The following CACNA1B variants were observed in gnomAD, a reference collection of about 807,000 sequenced individuals.
The protein encoded by CACNA1B is voltage-dependent N-type calcium channel subunit alpha-1B.
CACNA1B carries 70 observed loss-of-function variants against 247.2 expected under a neutral mutation model. That is an observed-to-expected ratio of 0.28 (90% CI 0.23 to 0.35). The LOEUF is 0.35. Ranked by LOEUF, CACNA1B falls within the 10% of genes least tolerant of loss-of-function variation. CACNA1B has a pLI of 1.00. For synonymous variants in CACNA1B, 1,231 were observed against 1,294.4 expected, an observed-to-expected ratio of 0.95 and a Z score of 1.05; for missense variants, 2,367 against 3,197.4, an observed-to-expected ratio of 0.74 and a Z score of 6.26.
At chr9:137,930,161 G>A (rs77702270) in intron 6 of CACNA1B, among the ~76,000 whole-genome samples, 4,097 of 152,218 alleles carry the variant, frequency 0.027, 77 homozygotes, top group South Asian at 0.071. Flanking sequence ...AATGTCAGCT[G>A]GGCGCAGTGG....
chr9:137,890,309 C>G (rs1228182686), intron 3 of CACNA1B: 2 of 149,028 alleles, frequency 1.3e-5, no homozygotes, highest in Non-Finnish European at 3.0e-5. Flanking sequence ...CCAGGGCTGC[C>G]CTTGGATACC....
At chr9:138,037,592 G>T (rs992528938) in intron 20 of CACNA1B, among the ~76,000 whole-genome samples, 2 of 152,132 alleles carry the variant, frequency 1.3e-5, no homozygotes, top group East Asian at 3.8e-4. Context: ...ACGAGAGGCG[G>T]AGGTTGCAGT....
chr9:137,879,150 C>G lies in CACNA1B; in HGVS notation c.381C>G (p.Ser127=), dbSNP rs1564868238. Reference sequence around the variant, plus strand: ...CTGATGGGGACAAAACGCCCATGTCCGAGCGGCTGGTGAGTGCCCGGCTGG... The same window carrying G: ...CTGATGGGGACAAAACGCCCATGTCGGAGCGGCTGGTGAGTGCCCGGCTGG... ...HLPDGDKTPM[S]ERLDDTEPYF... The change falls in exon 2 of 47, where the codon TCC becomes TCG. Residue 127 remains serine, a synonymous_variant. Transcript: ENST00000371372. 1 of 1,608,142 alleles carries G rather than the reference C, an allele frequency of 6.2e-7. No homozygotes were observed. The highest frequency in any genetic ancestry group is 8.5e-7 in the Non-Finnish European group (1 of 1,177,676).
intron 15 of CACNA1B, among the ~76,000 whole-genome samples, chr9:137,991,248 C>T (rs1274184563): frequency 1.3e-5 from 2 of 152,170 alleles, no homozygotes; most frequent in African/African-American, 4.8e-5. Flanking sequence ...ATCACAGTTT[C>T]TGGAAATCAG....
At chr9:137,958,569 C>T (rs1957975679) in intron 10 of CACNA1B, among the ~76,000 whole-genome samples, 1 of 152,222 alleles carries the variant, frequency 6.6e-6, no homozygotes, top group Non-Finnish European at 1.5e-5. Flanking sequence ...TGCTGATCGT[C>T]TGCTGATGGC....
In CACNA1B at chr9:138,059,754, TCC is replaced by T; in HGVS notation, c.4668+19_4668+20del. 1 of 1,488,432 alleles carries T rather than the reference TCC, an allele frequency of 6.7e-7. No individual in the cohort carries two copies. The highest frequency in any genetic ancestry group is 2.3e-5 in the East Asian group (1 of 44,288). The allele number at this position is 1,488,432 out of a possible 1,614,324, so 92.2% of individuals were successfully genotyped here. A position where few individuals can be genotyped will look rare whatever the true frequency, so the allele number is the denominator to read the frequency against. ...GAGATTGCGGTAAGTAGCATTTCTG[TCC>T]CTCCTTCAGGGTCCCCAGGTGGTTT... is the stretch of plus-strand genomic sequence containing the variant. On this transcript the variant is annotated intron_variant, in intron 31 of 46. Coordinates refer to ENST00000371372, the MANE Select transcript of CACNA1B (RefSeq NM_000718.4). This position sits in a 1 kb window ranked among gnomAD's most constrained non-coding sequence, Gnocchi z 4.2.
chr9:137,988,343 C>T (rs955238510), intron 15 of CACNA1B, among the ~76,000 whole-genome samples: 4 of 152,062 alleles, frequency 2.6e-5, no homozygotes, highest in South Asian at 2.1e-4. Context: ...CAGGTGTGGG[C>T]GGGCCAGGCT....
chr9:137,880,261 G>C lies in CACNA1B; in HGVS notation c.390+1102G>C, dbSNP rs1051847626. On this transcript the variant is annotated intron_variant, in intron 2 of 46. Transcript: ENST00000371372. The surrounding 1 kb of genome is among the most constrained non-coding windows in gnomAD (Gnocchi z 4.8). Reference sequence around the variant, plus strand: ...GGTGAGGAGGTCTTAATGGAGCACAGTCTGGAATGCCCAGTGGTCTGGGTT... The same window carrying C: ...GGTGAGGAGGTCTTAATGGAGCACACTCTGGAATGCCCAGTGGTCTGGGTT... Among the ~76,000 whole-genome samples the C allele has an allele frequency of 6.6e-6, 1 of 152,166 alleles. No individual in the cohort carries two copies. The highest frequency in any genetic ancestry group is 2.4e-5 in the African/African-American group (1 of 41,434).
chr9:137,888,652 C>T lies in CACNA1B; in HGVS notation c.530+5769C>T, dbSNP rs146516745. On this transcript the variant is annotated intron_variant, in intron 3 of 46. Coordinates refer to ENST00000371372, the MANE Select transcript of CACNA1B (RefSeq NM_000718.4). The surrounding 1 kb of genome is among the most constrained non-coding windows in gnomAD (Gnocchi z 4.7). ...TAGAGCCCAGCTTTCTCCCTGGACCCGGCCTCCTGTGGGTTGAAGAGAGGG... is the reference window on the plus strand; with the variant it reads ...TAGAGCCCAGCTTTCTCCCTGGACCTGGCCTCCTGTGGGTTGAAGAGAGGG... Among the ~76,000 whole-genome samples, 2 of 152,084 alleles carry T rather than the reference C, an allele frequency of 1.3e-5. No individual in the cohort carries two copies. Among genetic ancestry groups the T allele is most frequent in the African/African-American group, 2.4e-5 (1 of 41,366 alleles).
chr9:138,000,188 T>C (rs1293655668), intron 15 of CACNA1B, among the ~76,000 whole-genome samples: 2 of 150,674 alleles, frequency 1.3e-5, no homozygotes, highest in Admixed American at 6.6e-5. Context: ...AAGCTCCGCC[T>C]CCCGGGTTCA....
intron 12 of CACNA1B, among the ~76,000 whole-genome samples, chr9:137,983,931 T>G (rs1958323467): frequency 6.6e-6 from 1 of 151,400 alleles, no homozygotes; most frequent in Non-Finnish European, 1.5e-5. Context: ...GTACCAGGAC[T>G]GGTGGGACTC....
At position 138,007,791 on chromosome 9, in the gene CACNA1B, C is replaced by T. The variant is rs1307423907; in HGVS notation, c.2092+907C>T. On this transcript the variant is annotated intron_variant, in intron 16 of 46. Transcript: ENST00000371372. This position sits in a 1 kb window ranked among gnomAD's most constrained non-coding sequence, Gnocchi z 4.1. ...CCGAGGAGCTGGAGACAATGTCTCA[C>T]AGTCGACCTCCCGGCTCTGCTTCTA... 6.6e-6 allele frequency among the ~76,000 whole-genome samples: 1 copy of T among 152,214 alleles called. No homozygotes were observed. The highest frequency in any genetic ancestry group is 2.4e-5 in the African/African-American group (1 of 41,444).
intron 6 of CACNA1B, among the ~76,000 whole-genome samples, chr9:137,951,722 A>G (rs1564204563): frequency 6.6e-6 from 1 of 152,250 alleles, no homozygotes; most frequent in Non-Finnish European, 1.5e-5. Flanking sequence ...TCAGCTATTC[A>G]GATCATGCCT....
Position 137,957,210 on chromosome 9 carries a change from G to C in CACNA1B, c.1243+383G>C, listed in dbSNP as rs1957959479. Among the ~76,000 whole-genome samples, 1 of 152,246 alleles carries C rather than the reference G, an allele frequency of 6.6e-6. No individual in the cohort carries two copies. Among genetic ancestry groups the C allele is most frequent in the South Asian group, 2.1e-4 (1 of 4,838 alleles). The stretch of plus-strand genomic sequence containing the variant: ...CTCTGCACACCCACCGCTCAGGTCA[G>C]GGCCAGACAGCATGGGCACTTCCGT... On this transcript the variant is annotated intron_variant, in intron 9 of 46. Coordinates refer to ENST00000371372, the MANE Select transcript of CACNA1B (RefSeq NM_000718.4). This position sits in a 1 kb window ranked among gnomAD's most constrained non-coding sequence, Gnocchi z 4.7.
chr9:138,099,044 C>T (rs1961153134), intron 37 of CACNA1B, among the ~76,000 whole-genome samples: 1 of 152,264 alleles, frequency 6.6e-6, no homozygotes, highest in Non-Finnish European at 1.5e-5. Flanking sequence ...GGGGACCACT[C>T]TATGGCTCCT....
rs765414550 is a variant in CACNA1B, at chr9:138,025,060, A to G, written c.3174A>G (p.Ala1058=). ...AGGTGGAGGAACAGCCAGAGGATGC[A>G]GACAATCAGCGGAACGTCACTCGCA... ...LQKVEEQPED[A]DNQRNVTRMG... The change falls in exon 20 of 47, where the codon GCA becomes GCG. Residue 1058 remains alanine (A), a synonymous_variant. Transcript: ENST00000371372. 10 of 1,612,276 alleles carry G rather than the reference A, an allele frequency of 6.2e-6. No individual in the cohort carries two copies. In the East Asian group the frequency reaches 2.0e-4, roughly 32 times the overall value.
At chr9:137,985,188 TC>T (rs1230374448) in intron 13 of CACNA1B, among the ~76,000 whole-genome samples, 1 of 152,180 alleles carries the variant, frequency 6.6e-6, no homozygotes, top group Non-Finnish European at 1.5e-5. Context: ...GCAACTGAAA[TC>T]CCAGGTCTTT....
intron 31 of CACNA1B, among the ~76,000 whole-genome samples, chr9:138,069,264 C>T (rs929207477): frequency 6.6e-6 from 1 of 152,110 alleles, no homozygotes; most frequent in Non-Finnish European, 1.5e-5. Context: ...AGTGTCAGTT[C>T]CCATCCCCAA....
Position 137,986,495 on chromosome 9 carries a change from C to T in CACNA1B, c.1852C>T (p.Leu618=). ...SIISLLFLLF[L]FIVVFALLGM... The stretch of plus-strand genomic sequence containing the variant: ...CATCAGCCTGCTCTTCTTGCTCTTC[C>T]TGTTCATTGTGGTCTTCGCCCTGCT... Residue 618 remains leucine, a synonymous_variant, in exon 14 of 47, where the codon CTG becomes TTG. Coordinates refer to ENST00000371372, the MANE Select transcript of CACNA1B (RefSeq NM_000718.4). This position sits in a 1 kb window ranked among gnomAD's most constrained non-coding sequence, Gnocchi z 6.0. The T allele has an allele frequency of 6.2e-7, 1 of 1,613,938 alleles. No individual in the cohort carries two copies. Among genetic ancestry groups the T allele is most frequent in the Non-Finnish European group, 8.5e-7 (1 of 1,179,848 alleles).
Sources: gnomAD v4.1 joint callset for allele counts (sites outside exome capture counted in the v4.1 genomes callset) on GRCh38, gnomAD v4.1.1 for gene constraint, Gnocchi (gnomAD v3.1) non-coding constraint, MANE v1.5 for transcripts, NCBI Gene and HGNC (gene_info 2026-07-23, HGNC 2026-07-21) for gene names.